The following NKAIN3 variants were observed in gnomAD, a reference collection of about 807,000 sequenced individuals.
NKAIN3 encodes the protein sodium/potassium transporting ATPase interacting 3.
Under a neutral mutation model 30.2 loss-of-function variants are expected in NKAIN3, and 25 were observed. The observed-to-expected ratio is 0.83, with a 90% confidence interval of 0.60 to 1.16. The LOEUF is 1.16. Among genes scored for constraint, NKAIN3 ranks in the 50% most tolerant of loss-of-function variants. NKAIN3 has a pLI of 0.00. For missense variants in NKAIN3, 225 were observed against 254.1 expected, an observed-to-expected ratio of 0.89 and a Z score of 0.78; for synonymous variants, 91 against 89.6, an observed-to-expected ratio of 1.02 and a Z score of -0.09.
chr8:62,249,559 G>A (rs1216308651), intron 1 of NKAIN3, among the ~76,000 whole-genome samples: 1 of 152,216 alleles, frequency 6.6e-6, no homozygotes, highest in Non-Finnish European at 1.5e-5. Flanking sequence ...ACACTGTGTG[G>A]GAATGCCCAG....
intron 4 of NKAIN3, among the ~76,000 whole-genome samples, chr8:62,824,577 G>T (rs1162713877): frequency 6.6e-6 from 1 of 151,724 alleles, no homozygotes; most frequent in East Asian, 1.9e-4. Flanking sequence ...ACATGCTTTG[G>T]AAATGCAAAG....
chr8:62,835,842 C>A (rs905993268), intron 4 of NKAIN3, among the ~76,000 whole-genome samples: 6 of 152,044 alleles, frequency 3.9e-5, no homozygotes, highest in African/African-American at 9.7e-5. Flanking sequence ...TGGGTATATA[C>A]CCAAAGGAAA....
intron 4 of NKAIN3, among the ~76,000 whole-genome samples, chr8:62,773,794 G>A (rs1817098090): frequency 6.6e-6 from 1 of 152,168 alleles, no homozygotes; most frequent in Non-Finnish European, 1.5e-5. Context: ...GGAACTGTGA[G>A]TCAATTAAAC....
intron 3 of NKAIN3, among the ~76,000 whole-genome samples, chr8:62,644,709 T>C (rs971113641): frequency 6.6e-6 from 1 of 152,182 alleles, no homozygotes; most frequent in Non-Finnish European, 1.5e-5. Context: ...TGGCATTTTC[T>C]TTAATAATAC....
At chr8:62,799,528 C>CA (rs1349599505) in intron 4 of NKAIN3, among the ~76,000 whole-genome samples, 9 of 152,010 alleles carry the variant, frequency 5.9e-5, no homozygotes, top group Admixed American at 2.6e-4. Flanking sequence ...TGGACATAAT[C>CA]AAAAAATCAA....
intron 1 of NKAIN3, among the ~76,000 whole-genome samples, chr8:62,578,023 C>G (rs1015653827): frequency 6.6e-6 from 1 of 152,012 alleles, no homozygotes; most frequent in Non-Finnish European, 1.5e-5. Context: ...TAGAAAAATA[C>G]CCAGGGAGCC....
intron 4 of NKAIN3, among the ~76,000 whole-genome samples, chr8:62,912,186 TAGA>T (rs1821941571): frequency 6.6e-6 from 1 of 152,142 alleles, no homozygotes; most frequent in Admixed American, 6.6e-5. Flanking sequence ...TATCTAAATA[TAGA>T]AGAAGTACAG....
intron 1 of NKAIN3, among the ~76,000 whole-genome samples, chr8:62,521,090 T>A (rs1808141149): frequency 6.6e-6 from 1 of 151,808 alleles, no homozygotes; most frequent in East Asian, 2.0e-4. Flanking sequence ...CTATTCAGAA[T>A]AGAAAGTCAT....
intron 3 of NKAIN3, among the ~76,000 whole-genome samples, chr8:62,597,344 G>C (rs1269523392): frequency 6.6e-6 from 1 of 152,044 alleles, no homozygotes; most frequent in Non-Finnish European, 1.5e-5. Flanking sequence ...TCCTTAATTA[G>C]TGTGTATAAT....
chr8:62,610,017 G>A (rs1811241616), intron 3 of NKAIN3, among the ~76,000 whole-genome samples: 1 of 152,048 alleles, frequency 6.6e-6, no homozygotes, highest in Admixed American at 6.6e-5. Context: ...GTGAAAGTAA[G>A]ATGACCCACA....
intron 1 of NKAIN3, among the ~76,000 whole-genome samples, chr8:62,533,447 G>C (rs1161931454): frequency 6.6e-6 from 1 of 152,062 alleles, no homozygotes; most frequent in Non-Finnish European, 1.5e-5. Context: ...CCTGAAGCGG[G>C]CTTAGCCCCA....
chr8:62,870,215 T>G (rs372577780), intron 4 of NKAIN3, among the ~76,000 whole-genome samples: 1 of 119,594 alleles, frequency 8.4e-6, no homozygotes, highest in Non-Finnish European at 1.8e-5. Flanking sequence ...TTTGTATATA[T>G]ATATCTATAT....
intron 4 of NKAIN3, among the ~76,000 whole-genome samples, chr8:62,850,148 T>C (rs1472261723): frequency 1.3e-5 from 2 of 152,152 alleles, no homozygotes; most frequent in Non-Finnish European, 2.9e-5. Context: ...ATCGCCATTC[T>C]AACTGGTGTG....
intron 3 of NKAIN3, among the ~76,000 whole-genome samples, chr8:62,687,346 A>G (rs981899225): frequency 6.6e-6 from 1 of 152,208 alleles, no homozygotes; most frequent in Non-Finnish European, 1.5e-5. Flanking sequence ...CTATTACACT[A>G]TTCTCGTCCC....
At chr8:62,763,685 T>C (rs1429539758) in intron 4 of NKAIN3, among the ~76,000 whole-genome samples, 1 of 152,172 alleles carries the variant, frequency 6.6e-6, no homozygotes, top group Non-Finnish European at 1.5e-5. Flanking sequence ...TTGGCTATCA[T>C]GGATTTTGAA....
At chr8:62,420,852 A>T (rs1032511822) in intron 1 of NKAIN3, among the ~76,000 whole-genome samples, 9 of 152,234 alleles carry the variant, frequency 5.9e-5, no homozygotes, top group Non-Finnish European at 7.3e-5. Flanking sequence ...TATGATTCTT[A>T]ACAAAATTTT....
chr8:62,635,858 C>T (rs948157319), intron 3 of NKAIN3, among the ~76,000 whole-genome samples: 1 of 152,142 alleles, frequency 6.6e-6, no homozygotes, highest in African/African-American at 2.4e-5. Flanking sequence ...TTATCATATT[C>T]CCATATTGTT....
At chr8:62,445,993 G>A (rs1389802392) in intron 1 of NKAIN3, among the ~76,000 whole-genome samples, 1 of 152,188 alleles carries the variant, frequency 6.6e-6, no homozygotes, top group Non-Finnish European at 1.5e-5. Context: ...GCAGTTTAGA[G>A]TGGCAAGAAA....
intron 4 of NKAIN3, among the ~76,000 whole-genome samples, chr8:62,892,487 C>A (rs1174414940): frequency 6.6e-6 from 1 of 152,100 alleles, no homozygotes; most frequent in Admixed American, 6.6e-5. Context: ...ATTTTCCAGG[C>A]TGTGATTATT....
Sources: allele counts gnomAD v4.1 joint callset (sites outside exome capture counted in the v4.1 genomes callset), GRCh38; gene constraint gnomAD v4.1.1; transcripts MANE v1.5; gene names NCBI Gene and HGNC (gene_info 2026-07-23, HGNC 2026-07-21).